Variants in BSPRY observed in about 807,000 individuals in gnomAD.
The protein encoded by BSPRY is B box and SPRY domain-containing protein.
BSPRY carries 33 observed loss-of-function variants against 38.0 expected under a neutral mutation model. The observed-to-expected ratio is 0.87, with a 90% CI of 0.66 to 1.16. The LOEUF is 1.16. Among genes scored for constraint, BSPRY ranks in the 50% most tolerant of loss-of-function variants. BSPRY has a pLI of 0.00. For missense variants in BSPRY, 523 were observed against 533.2 expected (o/e 0.98, Z 0.19); for synonymous variants, 224 against 228.5 (o/e 0.98, Z 0.18).
intron 4 of BSPRY, among the ~76,000 whole-genome samples, chr9:113,367,136 T>C (rs114753228): frequency 0.019 from 2,923 of 152,340 alleles, 99 homozygotes; most frequent in African/African-American, 0.065. Flanking sequence ...TGTTCTATTT[T>C]TGCATGGAGG....
chr9:113,357,899 TATATATATATATATATATA>T (rs1834086680), intron 2 of BSPRY, among the ~76,000 whole-genome samples: 1 of 2,428 alleles, frequency 4.1e-4, no homozygotes, highest in Non-Finnish European at 7.2e-4. Context: ...TATATATATA[TATATATATATATATATATA>T]TATATATATA....
At chr9:113,362,919 G>A (rs1188063000) in intron 4 of BSPRY, among the ~76,000 whole-genome samples, 1 of 152,224 alleles carries the variant, frequency 6.6e-6, no homozygotes, top group Non-Finnish European at 1.5e-5. Flanking sequence ...TAAAAGAGCT[G>A]AGGGCCTGAG....
At chr9:113,360,759 G>C (rs151309657) in intron 3 of BSPRY, 22 bp downstream of exon 3, 23,476 of 1,547,254 alleles carry the variant, frequency 0.015, 230 homozygotes, top group Middle Eastern at 0.02. Flanking sequence ...AAGGGTGAGG[G>C]CATGACCAGT....
At chr9:113,349,881 A>T in intron 1 of BSPRY, 101 bp downstream of exon 1, 1 of 1,182,112 alleles carries the variant, frequency 8.5e-7, no homozygotes, top group Non-Finnish European at 1.0e-6. Flanking sequence ...GGCGGACTCG[A>T]CACCCGGCCC....
At chr9:113,354,461 T>C (rs1416063337) in intron 2 of BSPRY, 123 bp downstream of exon 2, 1 of 725,012 alleles carries the variant, frequency 1.4e-6, no homozygotes, top group Non-Finnish European at 2.4e-6. Flanking sequence ...TAGCAAAGCT[T>C]CTCATCCCTC....
chr9:113,369,880 G>A lies in BSPRY; in HGVS notation c.947G>A (p.Cys316Tyr). ...CCCCGCAAGGGTTCTGGCAGTGACTGCCGTCTGGGCCACAATGCCTTCTCC... is the reference window on the plus strand; with the variant it reads ...CCCCGCAAGGGTTCTGGCAGTGACTACCGTCTGGGCCACAATGCCTTCTCC... ...HLPRKGSGSDCRLGHNAFSWV... is the reference protein window; with the variant it reads ...HLPRKGSGSDYRLGHNAFSWV... The change falls in exon 6 of 6, where the codon TGC becomes TAC. Residue 316 changes from cysteine to tyrosine, a missense_variant. By Grantham distance (194) the Cys-to-Tyr change is radical (BLOSUM62 -2). Coordinates refer to ENST00000374183, the MANE Select transcript of BSPRY (RefSeq NM_017688.3). The A allele has an allele frequency of 6.2e-7, 1 of 1,614,250 alleles. No homozygotes were observed. The highest frequency in any genetic ancestry group is 8.5e-7 in the Non-Finnish European group (1 of 1,180,044).
In BSPRY at chr9:113,362,349, T is replaced by A. The variant is rs750987718; in HGVS notation, c.532-20T>A. ...CTGGGTATCTGGTGCCAAGCTTGAC[T>A]TTGTTTTCTTTTCTCACAGCAGAAG... On this transcript the variant is annotated intron_variant, in intron 3 of 5. Coordinates refer to ENST00000374183, the MANE Select transcript of BSPRY (RefSeq NM_017688.3). 5.0e-6 allele frequency: 8 copies of A among 1,614,130 alleles called. No homozygotes were observed. The Admixed American group carries it at 6.7e-5, about 13-fold the overall frequency.
intron 5 of BSPRY, 63 bp from the exon 6 acceptor site, chr9:113,369,553 C>A: frequency 1.3e-6 from 2 of 1,515,216 alleles, no homozygotes; most frequent in Non-Finnish European, 1.8e-6. Context: ...CCTTTTGCTA[C>A]CTGGCAGGAC....
intron 4 of BSPRY, among the ~76,000 whole-genome samples, chr9:113,362,873 G>T (rs1000406186): frequency 6.6e-6 from 1 of 152,158 alleles, no homozygotes; most frequent in Non-Finnish European, 1.5e-5. Context: ...TAGCTCTTCA[G>T]TAATAAAAGA....
In BSPRY at chr9:113,360,688, G is replaced by C. The variant is rs548730981; in HGVS notation, c.482G>C (p.Arg161Pro). ...GCGCTGCAGAAACTTGACACCATCC[G>C]CACTGGCCTGGTGGGCATGCTTACT... is the stretch of plus-strand genomic sequence containing the variant. ...AEALQKLDTIRTGLVGMLTHL... is the reference protein window; with the variant it reads ...AEALQKLDTIPTGLVGMLTHL... The change falls in exon 3 of 6, where the codon CGC becomes CCC. Residue 161 changes from arginine to proline, a missense_variant. Arg to Pro is a moderately radical substitution (Grantham distance 103). Coordinates refer to ENST00000374183, the MANE Select transcript of BSPRY (RefSeq NM_017688.3). 6.2e-7 allele frequency: 1 copy of C among 1,604,870 alleles called. No homozygotes were observed. The highest frequency in any genetic ancestry group is 2.2e-5 in the East Asian group (1 of 44,612).
intron 4 of BSPRY, among the ~76,000 whole-genome samples, chr9:113,367,630 C>G (rs995215198): frequency 7.2e-5 from 11 of 152,290 alleles, no homozygotes; most frequent in African/African-American, 2.6e-4. Flanking sequence ...TTAGCCCCAG[C>G]TCTGCCATTA....
At chr9:113,365,034 T>C (rs1287402803) in intron 4 of BSPRY, among the ~76,000 whole-genome samples, 1 of 152,038 alleles carries the variant, frequency 6.6e-6, no homozygotes, top group African/African-American at 2.4e-5. Flanking sequence ...TGTTATCTTA[T>C]GATTAGATTC....
chr9:113,350,993 A>C (rs970738305), intron 1 of BSPRY, among the ~76,000 whole-genome samples: 18 of 152,152 alleles, frequency 1.2e-4, no homozygotes, highest in African/African-American at 3.6e-4. Context: ...TAACTCCTCC[A>C]AGCTTCCTAA....
intron 2 of BSPRY, among the ~76,000 whole-genome samples, chr9:113,359,576 G>A (rs1437395755): frequency 6.6e-6 from 1 of 152,264 alleles, no homozygotes; most frequent in African/African-American, 2.4e-5. Flanking sequence ...GAGTACAAGT[G>A]CAGCTGCCTT....
chr9:113,362,237 G>T, intron 3 of BSPRY, 132 bp from the exon 4 acceptor site: 83 of 656,700 alleles, frequency 1.3e-4, no homozygotes, highest in East Asian at 5.0e-4. Flanking sequence ...AAAGCTTTAT[G>T]CTGGTCTTAA....
rs867038920 is a variant in BSPRY at position 113,353,528 on chromosome 9, C to A, written c.202-712C>A. Among the ~76,000 whole-genome samples the A allele has an allele frequency of 2.0e-5, 3 of 149,714 alleles. No individual in the cohort carries two copies. In the South Asian group the frequency reaches 6.3e-4, roughly 32 times the overall value. On this transcript the variant is annotated intron_variant, in intron 1 of 5. Transcript: ENST00000374183. Reference sequence around the variant, plus strand: ...AACCAGCCTGGCCAACATGGTGAAACCCTGTCTCTACTAAAAATACAAAAA... The same window carrying A: ...AACCAGCCTGGCCAACATGGTGAAAACCTGTCTCTACTAAAAATACAAAAA...
intron 2 of BSPRY, among the ~76,000 whole-genome samples, chr9:113,355,848 T>C (rs1426649436): frequency 6.6e-6 from 1 of 152,082 alleles, no homozygotes; most frequent in Non-Finnish European, 1.5e-5. Flanking sequence ...ACTCCTGACC[T>C]TAGGTGATCT....
At chr9:113,351,813 A>G (rs1833976813) in intron 1 of BSPRY, among the ~76,000 whole-genome samples, 1 of 151,094 alleles carries the variant, frequency 6.6e-6, no homozygotes, top group African/African-American at 2.4e-5. Flanking sequence ...ACTTATATTT[A>G]TTTATTTTTG....
At chr9:113,364,763 G>C (rs928216437) in intron 4 of BSPRY, among the ~76,000 whole-genome samples, 1 of 151,896 alleles carries the variant, frequency 6.6e-6, no homozygotes, top group Non-Finnish European at 1.5e-5. Flanking sequence ...GTTTCTCCTA[G>C]AAACAAAGAC....
Sources: gnomAD v4.1 joint callset for allele counts (sites outside exome capture counted in the v4.1 genomes callset) on GRCh38, gnomAD v4.1.1 for gene constraint, MANE v1.5 for transcripts, NCBI Gene and HGNC (gene_info 2026-07-23, HGNC 2026-07-21) for gene names.